Variants in GAS7 observed in about 807,000 individuals in gnomAD.
GAS7 encodes the protein growth arrest-specific protein 7.
In GAS7, 28 loss-of-function variants were observed where a neutral mutation model predicts 71.1. That is an observed-to-expected ratio of 0.39 (90% CI 0.29 to 0.54). The LOEUF (loss-of-function observed/expected upper bound fraction) is 0.54, where lower values mean the gene tolerates loss of function less well. GAS7 is among the 20% of genes least tolerant of loss of function. The probability of loss-of-function intolerance (pLI) is 0.62; values close to 1 mark genes in which losing one functional copy is unlikely to be tolerated. For missense variants in GAS7, 436 were observed against 627.8 expected (o/e 0.69, Z 3.27); for synonymous variants, 258 against 245.8 (o/e 1.05, Z -0.46).
rs1161917343 is a variant in GAS7 at position 9,944,208 on chromosome 17, G to A, written c.616-972C>T. Among the ~76,000 whole-genome samples, 5 of 152,196 alleles carry A rather than the reference G, an allele frequency of 3.3e-5. 1 individual carries two copies. Among genetic ancestry groups the A allele is most frequent in the Admixed American group, 1.3e-4 (2 of 15,276 alleles). On this transcript the variant is annotated intron_variant, in intron 6 of 13. Transcript: ENST00000432992. Reference sequence around the variant, plus strand: ...CCCACACATCTGCCCGCACGGCCGTGGCTGCTGGAGCACCAGCTCCCAGGG... The same window carrying A: ...CCCACACATCTGCCCGCACGGCCGTAGCTGCTGGAGCACCAGCTCCCAGGG...
intron 1 of GAS7, among the ~76,000 whole-genome samples, chr17:10,040,864 T>A (rs1363669990): frequency 6.6e-6 from 1 of 151,952 alleles, no homozygotes. Context: ...CTCTCACCCA[T>A]AAGAAGGTAA....
Position 10,188,176 on chromosome 17 carries a change from G to C in GAS7, c.183+10032C>G, listed in dbSNP as rs1175095745. ...GGGAATTACTTGCACCCAGGAGACA[G>C]AGGCTGCAGTGAGCCGAGATCGCGC... On this transcript the variant is annotated intron_variant, in intron 1 of 13. Coordinates refer to ENST00000432992, the MANE Select transcript of GAS7 (RefSeq NM_201433.2). Among the ~76,000 whole-genome samples, 4 of 152,112 alleles carry C rather than the reference G, an allele frequency of 2.6e-5. No homozygotes were observed. The East Asian group carries it at 7.7e-4, about 29-fold the overall frequency.
intron 4 of GAS7, among the ~76,000 whole-genome samples, chr17:9,968,351 C>A (rs770188214): frequency 6.6e-6 from 1 of 152,140 alleles, no homozygotes; most frequent in African/African-American, 2.4e-5. Context: ...AGCGTCACCT[C>A]GGAGCTGGCT....
chr17:10,069,758 T>A (rs927433494), intron 1 of GAS7, among the ~76,000 whole-genome samples: 2 of 152,204 alleles, frequency 1.3e-5, no homozygotes, highest in African/African-American at 4.8e-5. Context: ...TTGCTAATAT[T>A]TTTAGTTGAC....
intron 2 of GAS7, among the ~76,000 whole-genome samples, chr17:9,995,243 G>A (rs1052625410): frequency 6.6e-6 from 1 of 152,150 alleles, no homozygotes; most frequent in Non-Finnish European, 1.5e-5. Context: ...TGTCTCCTGG[G>A]CACCAAGGAC....
At chr17:10,141,508 CCA>C (rs2074081046) in intron 1 of GAS7, among the ~76,000 whole-genome samples, 1 of 152,090 alleles carries the variant, frequency 6.6e-6, no homozygotes, top group African/African-American at 2.4e-5. Context: ...ACCCAGATTC[CCA>C]GGGTAGATCC....
intron 1 of GAS7, among the ~76,000 whole-genome samples, chr17:10,137,402 C>A (rs2074047488): frequency 6.6e-6 from 1 of 151,486 alleles, no homozygotes; most frequent in South Asian, 2.1e-4. Flanking sequence ...TATTTATCTT[C>A]ATAGTATATA....
chr17:9,958,654 G>T (rs1328966958), intron 5 of GAS7, among the ~76,000 whole-genome samples: 1 of 151,060 alleles, frequency 6.6e-6, no homozygotes, highest in Non-Finnish European at 1.5e-5. Context: ...CTGCATGGGG[G>T]TGGGTGGGGT....
chr17:10,080,261 A>G (rs909614731), intron 1 of GAS7, among the ~76,000 whole-genome samples: 1 of 152,196 alleles, frequency 6.6e-6, no homozygotes, highest in Non-Finnish European at 1.5e-5. Context: ...CAGCACCATG[A>G]CAGTTGACAG....
rs558990999 is a variant in GAS7 at position 9,979,493 on chromosome 17, C to A, written c.385+2311G>T. On this transcript the variant is annotated intron_variant, in intron 3 of 13. Transcript: ENST00000432992. ...AGGGTAAAGAAGGGAGCCTGTTAAA[C>A]CCAGGCCTCTAAGCCAGGGACCGGA... Among the ~76,000 whole-genome samples the A allele has an allele frequency of 3.3e-5, 5 of 152,292 alleles. No individual in the cohort carries two copies. The East Asian group carries it at 9.6e-4, about 29-fold the overall frequency.
intron 2 of GAS7, among the ~76,000 whole-genome samples, chr17:10,017,817 CTACT>C (rs2072103443): frequency 6.6e-6 from 1 of 152,192 alleles, no homozygotes; most frequent in Non-Finnish European, 1.5e-5. Flanking sequence ...TACATACTGA[CTACT>C]TGGCCCTTTA....
intron 1 of GAS7, among the ~76,000 whole-genome samples, chr17:10,128,828 C>T (rs2073973657): frequency 1.4e-5 from 2 of 142,244 alleles, no homozygotes; most frequent in South Asian, 2.2e-4. Context: ...ACCGTGTTAG[C>T]CAGGATGGTC....
At chr17:10,049,609 CTTTTTTT>C (rs1168627510) in intron 1 of GAS7, among the ~76,000 whole-genome samples, 31 of 70,382 alleles carry the variant, frequency 4.4e-4, no homozygotes, top group African/African-American at 1.1e-3. Flanking sequence ...GAAATTACTT[CTTTTTTT>C]TTTTTTTTTT....
rs200968141 is a variant in GAS7 at position 9,918,001 on chromosome 17, G to A, written c.1317C>T (p.Ser439=). The change falls in exon 13 of 14, where the codon AGC becomes AGT. Residue 439 remains serine (S), a splice_region_variant and synonymous_variant. Coordinates refer to ENST00000432992, the MANE Select transcript of GAS7 (RefSeq NM_201433.2). The part of the protein sequence containing the change: ...LRHETDMFNQ[S]TVEPVDQLLR... ...GAGCCCCGCTGGGCTGGAAACTCACGCTTTGGTTGAACATGTCTGTTTCAT... is the reference window on the plus strand; with the variant it reads ...GAGCCCCGCTGGGCTGGAAACTCACACTTTGGTTGAACATGTCTGTTTCAT... 9 of 1,610,016 alleles carry A rather than the reference G, an allele frequency of 5.6e-6. No individual in the cohort carries two copies. Among genetic ancestry groups the A allele is most frequent in the South Asian group, 2.2e-5 (2 of 90,982 alleles).
chr17:9,965,249 A>T (rs1032523227), intron 4 of GAS7, among the ~76,000 whole-genome samples: 1 of 152,084 alleles, frequency 6.6e-6, no homozygotes, highest in African/African-American at 2.4e-5. Context: ...TATTTACAAC[A>T]GCAAAGACTT....
chr17:9,975,343 G>T (rs541919618), intron 3 of GAS7, among the ~76,000 whole-genome samples: 1 of 114,662 alleles, frequency 8.7e-6, no homozygotes, highest in African/African-American at 4.5e-5. Flanking sequence ...CAACAAGTGC[G>T]AAACTGTCTC....
intron 1 of GAS7, among the ~76,000 whole-genome samples, chr17:10,071,726 A>G (rs1567579858): frequency 2.0e-5 from 3 of 152,226 alleles, no homozygotes; most frequent in South Asian, 4.2e-4. Flanking sequence ...GGAGTTCAAG[A>G]CCAGCCTTGC....
chr17:10,067,646 G>A (rs2152245276), intron 1 of GAS7, among the ~76,000 whole-genome samples: 1 of 152,310 alleles, frequency 6.6e-6, no homozygotes, highest in Admixed American at 6.5e-5. Flanking sequence ...CCTGCCTGGT[G>A]ATTCACACAG....
At chr17:10,016,244 G>T (rs1007217010) in intron 2 of GAS7, among the ~76,000 whole-genome samples, 2 of 152,014 alleles carry the variant, frequency 1.3e-5, no homozygotes, top group South Asian at 2.1e-4. Context: ...AATTAGCCAG[G>T]TGTGGTGGCA....
Sources: allele counts gnomAD v4.1 joint callset (sites outside exome capture counted in the v4.1 genomes callset), GRCh38; gene constraint gnomAD v4.1.1; transcripts MANE v1.5; gene names NCBI Gene and HGNC (gene_info 2026-07-23, HGNC 2026-07-21).